Variants in NFATC2 observed in about 807,000 individuals in gnomAD.
NFATC2 encodes the protein nuclear factor of activated T cells 2.
Under a neutral mutation model 87.3 loss-of-function variants are expected in NFATC2, and 22 were observed. The ratio of observed to expected loss-of-function variants is 0.25; its 90% CI spans 0.18 to 0.36. The LOEUF (loss-of-function observed/expected upper bound fraction) is 0.36. Among genes scored for constraint, NFATC2 ranks in the 10% least tolerant of loss-of-function variants. The pLI, the probability that NFATC2 is intolerant of heterozygous loss-of-function variation, is 1.00. For synonymous variants in NFATC2, 565 were observed against 542.2 expected (o/e 1.04, Z -0.58); for missense variants, 1,149 against 1,259.1 (o/e 0.91, Z 1.32).
chr20:51,471,041 T>A (rs2146499191), intron 5 of NFATC2, among the ~76,000 whole-genome samples: 1 of 152,296 alleles, frequency 6.6e-6, no homozygotes, highest in East Asian at 1.9e-4. Context: ...TCCTTCTCTG[T>A]CAAAAGAAGG....
rs550347315 is a variant in NFATC2, at chr20:51,392,348, C to T, written c.*45-897G>A. 1.3e-3 allele frequency among the ~76,000 whole-genome samples: 191 copies of T among 152,262 alleles called. 1 individual carries two copies. Among genetic ancestry groups the T allele is most frequent in the Non-Finnish European group, 2.3e-3 (156 of 67,980 alleles). On this transcript the variant is annotated intron_variant, in intron 10 of 10. Transcript: ENST00000371564. ...CTCCCCAGAAGTATGTGTGGAGTTC[C>T]TAGCAGGGAACCAAGAGCAGTAACA... is the stretch of plus-strand genomic sequence containing the variant.
At chr20:51,534,065 G>A (rs181076790) in intron 1 of NFATC2, among the ~76,000 whole-genome samples, 7 of 152,102 alleles carry the variant, frequency 4.6e-5, no homozygotes, top group East Asian at 1.9e-4. Flanking sequence ...CCACTGTGCC[G>A]CAAGCTTTCA....
chr20:51,520,161 C>T (rs1568719801), intron 2 of NFATC2, among the ~76,000 whole-genome samples: 1 of 152,152 alleles, frequency 6.6e-6, no homozygotes, highest in Non-Finnish European at 1.5e-5. Flanking sequence ...ATCAACCTGC[C>T]TAATGGAGAG....
intron 3 of NFATC2, among the ~76,000 whole-genome samples, chr20:51,508,607 C>T (rs932944997): frequency 6.6e-6 from 1 of 152,112 alleles, no homozygotes; most frequent in Non-Finnish European, 1.5e-5. Flanking sequence ...ACCCCATCCC[C>T]GCCTCCATCT....
At chr20:51,398,545 C>G in intron 10 of NFATC2, 98 bp downstream of exon 10, 1 of 741,272 alleles carries the variant, frequency 1.3e-6, no homozygotes, top group Non-Finnish European at 2.1e-6. Flanking sequence ...GGCCTTCAGC[C>G]TGTCAAGTTT....
At chr20:51,446,052 C>G (rs1985017178) in intron 6 of NFATC2, among the ~76,000 whole-genome samples, 1 of 152,206 alleles carries the variant, frequency 6.6e-6, no homozygotes, top group African/African-American at 2.4e-5. Flanking sequence ...CACTGATGAA[C>G]TCTGTCACCT....
At chr20:51,553,403 C>T (rs1030768568) in intron 1 of NFATC2, among the ~76,000 whole-genome samples, 19 of 151,810 alleles carry the variant, frequency 1.3e-4, no homozygotes, top group African/African-American at 3.9e-4. Context: ...GTGCTGGGCG[C>T]GGTGGCTCAC....
At chr20:51,396,096 G>C (rs1390214762) in intron 10 of NFATC2, among the ~76,000 whole-genome samples, 8 of 113,696 alleles carry the variant, frequency 7.0e-5, no homozygotes, top group Non-Finnish European at 9.4e-5. Flanking sequence ...ATATATATAA[G>C]CTAATGGCAA....
chr20:51,398,764 A>G (rs199652303), intron 9 of NFATC2, 34 bp from the exon 10 acceptor site: 7 of 443,286 alleles, frequency 1.6e-5, no homozygotes, highest in Non-Finnish European at 2.1e-5. Flanking sequence ...TTTTGAGAAG[A>G]AAAAAAAAAA....
chr20:51,532,997 T>C (rs1264974129), intron 1 of NFATC2, among the ~76,000 whole-genome samples: 1 of 152,162 alleles, frequency 6.6e-6, no homozygotes, highest in Non-Finnish European at 1.5e-5. Flanking sequence ...CACGGCTTGA[T>C]GAGCTCACCC....
At chr20:51,488,320 A>G (rs2075819106) in intron 3 of NFATC2, among the ~76,000 whole-genome samples, 1 of 152,216 alleles carries the variant, frequency 6.6e-6, no homozygotes, top group South Asian at 2.1e-4. Context: ...ACATTGGAGT[A>G]AGAAACCAGT....
At chr20:51,533,672 A>G (rs2076672656) in intron 1 of NFATC2, among the ~76,000 whole-genome samples, 1 of 151,292 alleles carries the variant, frequency 6.6e-6, no homozygotes, top group Non-Finnish European at 1.5e-5. Context: ...GGGCTGAAAG[A>G]AGGACTCAGT....
intron 5 of NFATC2, among the ~76,000 whole-genome samples, chr20:51,464,805 C>T (rs6091326): frequency 0.14 from 21,670 of 152,252 alleles, 1,942 homozygotes; most frequent in African/African-American, 0.25. Context: ...GTAGTTAAGG[C>T]TTGATGCCCC....
intron 9 of NFATC2, among the ~76,000 whole-genome samples, chr20:51,411,000 A>G (rs1321515120): frequency 6.6e-6 from 1 of 152,154 alleles, no homozygotes; most frequent in African/African-American, 2.4e-5. Flanking sequence ...TGATGGTGAT[A>G]ATGATAGTGG....
intron 3 of NFATC2, among the ~76,000 whole-genome samples, chr20:51,504,999 CTTTTT>C (rs34489487): frequency 6.9e-5 from 5 of 72,484 alleles, no homozygotes; most frequent in South Asian, 1.2e-3. Flanking sequence ...TATCTAGTTC[CTTTTT>C]TTTTTTTTTT....
rs182956434 is a variant in NFATC2, at chr20:51,506,718, G to T, written c.1332+10066C>A. Among the ~76,000 whole-genome samples the T allele has an allele frequency of 1.2e-4, 18 of 148,888 alleles. 1 individual carries two copies. In the East Asian group the frequency reaches 3.2e-3, roughly 26 times the overall value. On this transcript the variant is annotated intron_variant, in intron 3 of 10. Coordinates refer to ENST00000371564, the MANE Select transcript of NFATC2 (RefSeq NM_012340.5). ...GGACACTCCTATGAACATCAGCCTCGGCCTGCGGACGGGTTGCAGCGAGAT... is the reference window on the plus strand; with the variant it reads ...GGACACTCCTATGAACATCAGCCTCTGCCTGCGGACGGGTTGCAGCGAGAT...
chr20:51,439,612 CA>C lies in NFATC2; in HGVS notation c.1850-3852del, dbSNP rs1984045567. 2.6e-5 allele frequency among the ~76,000 whole-genome samples: 4 copies of C among 152,122 alleles called. No individual in the cohort carries two copies. The South Asian group carries it at 8.3e-4, about 32-fold the overall frequency. ...CACAGGGAAAGACGCCCATGGGGGG[CA>C]GGGGGAAAGTCCTGCCCTCTCCAGT... On this transcript the variant is annotated intron_variant, in intron 6 of 10. Transcript: ENST00000371564.
At chr20:51,517,087 G>A (rs773262484) in intron 2 of NFATC2, 132 bp from the exon 3 acceptor site, 274 of 933,290 alleles carry the variant, frequency 2.9e-4, no homozygotes, top group Non-Finnish European at 3.9e-4. Context: ...GATACGTTCC[G>A]GGAAATGCAC....
intron 3 of NFATC2, among the ~76,000 whole-genome samples, chr20:51,489,544 C>T (rs2075846966): frequency 6.6e-6 from 1 of 152,174 alleles, no homozygotes. Flanking sequence ...CACATCAAGT[C>T]CCCCACTCCT....
Sources: allele counts gnomAD v4.1 joint callset (sites outside exome capture counted in the v4.1 genomes callset), GRCh38; gene constraint gnomAD v4.1.1; transcripts MANE v1.5; gene names NCBI Gene and HGNC (gene_info 2026-07-23, HGNC 2026-07-21).